The following ABCA13 variants were observed in gnomAD, a reference collection of about 807,000 sequenced individuals.
ABCA13 encodes ATP binding cassette subfamily A member 13.
A neutral mutation model predicts 478.7 loss-of-function variants in ABCA13; 476 were observed. That is an observed-to-expected ratio of 0.99 (90% CI 0.92 to 1.07). The LOEUF is 1.07. Among genes scored for constraint, ABCA13 ranks in the 50% least tolerant of loss-of-function variants. The pLI is 0.00. For missense variants in ABCA13, 6,060 were observed against 5,910.6 expected (o/e 1.03, Z -0.83); for synonymous variants, 2,252 against 2,158.9 (o/e 1.04, Z -1.20).
At chr7:48,340,512 A>G (rs903293588) in intron 29 of ABCA13, among the ~76,000 whole-genome samples, 5 of 152,222 alleles carry the variant, frequency 3.3e-5, no homozygotes, top group Non-Finnish European at 1.5e-5. Context: ...AAATCCACCT[A>G]TAATCTTATC....
intron 55 of ABCA13, among the ~76,000 whole-genome samples, chr7:48,561,949 G>A (rs1786500420): frequency 1.3e-5 from 2 of 151,986 alleles, no homozygotes; most frequent in South Asian, 4.2e-4. Flanking sequence ...TTTGCAGGCT[G>A]TCTTTTCTGA....
At chr7:48,525,622 T>C (rs139988436) in intron 54 of ABCA13, among the ~76,000 whole-genome samples, 58 of 150,892 alleles carry the variant, frequency 3.8e-4, no homozygotes, top group African/African-American at 1.4e-3. Flanking sequence ...CAATTAATGC[T>C]ATTAGGCTGA....
At chr7:48,461,664 G>A (rs1483048558) in intron 43 of ABCA13, among the ~76,000 whole-genome samples, 4 of 152,110 alleles carry the variant, frequency 2.6e-5, no homozygotes, top group African/African-American at 9.7e-5. Context: ...CTGTTCTTCA[G>A]CTCAGCCCAC....
intron 55 of ABCA13, among the ~76,000 whole-genome samples, chr7:48,532,313 T>C (rs55823579): frequency 0.013 from 1,910 of 152,300 alleles, 35 homozygotes; most frequent in African/African-American, 0.043. Flanking sequence ...TTGGCTTGCA[T>C]GTGTTAAATC....
intron 38 of ABCA13, among the ~76,000 whole-genome samples, chr7:48,400,525 T>A (rs1357365585): frequency 1.3e-5 from 2 of 152,236 alleles, no homozygotes; most frequent in African/African-American, 2.4e-5. Flanking sequence ...CTTTTTGATA[T>A]GTATAAGATC....
intron 55 of ABCA13, among the ~76,000 whole-genome samples, chr7:48,543,201 T>C (rs892393569): frequency 1.3e-5 from 2 of 151,772 alleles, no homozygotes; most frequent in African/African-American, 2.4e-5. Flanking sequence ...AACATAGAAA[T>C]TTAAATTTCT....
intron 31 of ABCA13, among the ~76,000 whole-genome samples, chr7:48,356,063 T>G (rs1809861347): frequency 1.3e-5 from 2 of 151,828 alleles, no homozygotes; most frequent in Middle Eastern, 3.4e-3. Flanking sequence ...AAGAGGAGAT[T>G]GAGAAAGTAT....
In ABCA13 at chr7:48,276,195, A is replaced by G; in HGVS notation, c.6529A>G (p.Arg2177Gly). 2 of 1,590,556 alleles carry G rather than the reference A, an allele frequency of 1.3e-6. No individual in the cohort carries two copies. The highest frequency in any genetic ancestry group is 2.3e-5 in the South Asian group (2 of 87,646). Residue 2177 changes from arginine (R) to glycine (G), a missense_variant, in exon 17 of 62, where the codon AGA becomes GGA. This residue lies in a region of ABCA13 where 4,423 missense variants were observed against 4,309.1 expected (regional missense o/e 1.03). Transcript: ENST00000435803. ...TTGGGGCTCTTTAAAAAATATATCTAGAGCAGGCAATTTTGATGTTGCCTT... is the reference window on the plus strand; with the variant it reads ...TTGGGGCTCTTTAAAAAATATATCTGGAGCAGGCAATTTTGATGTTGCCTT... ...TFWGSLKNISRAGNFDVAFLT... is the reference protein window; with the variant it reads ...TFWGSLKNISGAGNFDVAFLT...
intron 58 of ABCA13, among the ~76,000 whole-genome samples, chr7:48,604,759 T>G (rs1410848807): frequency 6.6e-6 from 1 of 152,214 alleles, no homozygotes; most frequent in Non-Finnish European, 1.5e-5. Flanking sequence ...GGTCCAGAGC[T>G]GAGTTCAAGT....
rs141412106 is a variant in ABCA13 at position 48,382,826 on chromosome 7, A to C, written c.11336-4996A>C. Among the ~76,000 whole-genome samples the C allele has an allele frequency of 1.1e-3, 159 of 151,328 alleles. 1 individual carries two copies. The highest frequency in any genetic ancestry group is 3.8e-3 in the African/African-American group (156 of 41,190). On this transcript the variant is annotated intron_variant, in intron 35 of 61. Coordinates refer to ENST00000435803, the MANE Select transcript of ABCA13 (RefSeq NM_152701.5). ...CATAAGAAGGCGCAGTCTCTGCCTGATTCATTGGCGTGTCCCTCGTACCAC... is the reference window on the plus strand; with the variant it reads ...CATAAGAAGGCGCAGTCTCTGCCTGCTTCATTGGCGTGTCCCTCGTACCAC...
At chr7:48,366,833 T>A (rs1290824048) in intron 31 of ABCA13, among the ~76,000 whole-genome samples, 1 of 152,176 alleles carries the variant, frequency 6.6e-6, no homozygotes, top group African/African-American at 2.4e-5. Flanking sequence ...CAATTAAATG[T>A]CAACATGAGT....
intron 28 of ABCA13, 101 bp from the exon 29 acceptor site, chr7:48,338,264 C>T: frequency 2.1e-5 from 17 of 824,798 alleles, no homozygotes; most frequent in South Asian, 6.8e-5. Flanking sequence ...GTTTATGTGC[C>T]TTGTTCCTTT....
chr7:48,227,524 A>G, intron 6 of ABCA13, 99 bp downstream of exon 6: 1 of 1,376,430 alleles, frequency 7.3e-7, no homozygotes, highest in East Asian at 2.5e-5. Flanking sequence ...GGATTTAAAA[A>G]AACCTCACAA....
intron 3 of ABCA13, among the ~76,000 whole-genome samples, chr7:48,199,207 A>C (rs754637798): frequency 3.9e-5 from 6 of 152,246 alleles, no homozygotes; most frequent in Non-Finnish European, 5.9e-5. Flanking sequence ...AAAAGTTTCC[A>C]GATAATTTTC....
intron 19 of ABCA13, among the ~76,000 whole-genome samples, chr7:48,287,545 G>C (rs2128802117): frequency 6.6e-6 from 1 of 152,252 alleles, no homozygotes; most frequent in East Asian, 1.9e-4. Flanking sequence ...GCATGGAGAA[G>C]ACCACACATA....
intron 16 of ABCA13, among the ~76,000 whole-genome samples, chr7:48,269,422 A>G (rs1795305018): frequency 6.6e-6 from 1 of 152,238 alleles, no homozygotes; most frequent in Non-Finnish European, 1.5e-5. Flanking sequence ...CTAGTTACCT[A>G]GAGTTTAAGC....
intron 1 of ABCA13, among the ~76,000 whole-genome samples, chr7:48,179,754 T>TAGTGC (rs2128867216): frequency 6.6e-6 from 1 of 152,276 alleles, no homozygotes; most frequent in South Asian, 2.1e-4. Flanking sequence ...GAAGCTAAAA[T>TAGTGC]AGTGCTGTGC....
chr7:48,201,037 C>T (rs1164097655), intron 3 of ABCA13, among the ~76,000 whole-genome samples: 2 of 152,200 alleles, frequency 1.3e-5, no homozygotes, highest in Non-Finnish European at 2.9e-5. Flanking sequence ...GCATCGGAGG[C>T]TCGCTCACCG....
chr7:48,616,149 G>A lies in ABCA13; in HGVS notation c.14837+772G>A, dbSNP rs114275216. On this transcript the variant is annotated intron_variant, in intron 59 of 61. Transcript: ENST00000435803. ...CATTTATTCAGTGTTTTTAAGGTTAGGATTCTCAAGCAGAGATTTGGTAAA... is the reference window on the plus strand; with the variant it reads ...CATTTATTCAGTGTTTTTAAGGTTAAGATTCTCAAGCAGAGATTTGGTAAA... Among the ~76,000 whole-genome samples the A allele has an allele frequency of 8.6e-3, 1,310 of 152,172 alleles. 21 individuals carry two copies. The highest frequency in any genetic ancestry group is 0.03 in the African/African-American group (1,233 of 41,514).
Sources: gnomAD v4.1 joint callset for allele counts (sites outside exome capture counted in the v4.1 genomes callset) on GRCh38, gnomAD v4.1.1 for gene constraint, gnomAD v4.1.1 regional missense constraint, MANE v1.5 for transcripts, NCBI Gene and HGNC (gene_info 2026-07-23, HGNC 2026-07-21) for gene names.